TRPM3: variants seen among roughly 807,000 people sequenced by gnomAD.
The protein encoded by TRPM3 is long transient receptor potential channel 3.
In TRPM3, 77 loss-of-function variants were observed where a neutral mutation model predicts 181.2. The observed-to-expected ratio is 0.42, with a 90% CI of 0.35 to 0.51. The LOEUF (loss-of-function observed/expected upper bound fraction) is 0.51, where lower values mean the gene tolerates loss of function less well. Ranked by LOEUF, TRPM3 falls within the 20% of genes least tolerant of loss-of-function variation. The probability of loss-of-function intolerance (pLI) is 0.01; values close to 1 mark genes in which losing one functional copy is unlikely to be tolerated. For missense variants in TRPM3, 1,759 were observed against 2,196.7 expected (o/e 0.80, Z 3.98); for synonymous variants, 745 against 796.4 (o/e 0.94, Z 1.09).
At chr9:71,191,833 A>G (rs926255412) in intron 1 of TRPM3, among the ~76,000 whole-genome samples, 3 of 151,558 alleles carry the variant, frequency 2.0e-5, no homozygotes, top group African/African-American at 7.3e-5. Context: ...AGAAAACTGA[A>G]GTGTGACTTT....
intron 1 of TRPM3, among the ~76,000 whole-genome samples, chr9:71,010,958 CACAT>C (rs1468643338): frequency 1.1e-4 from 15 of 140,596 alleles, no homozygotes; most frequent in African/African-American, 2.8e-4. Flanking sequence ...CACACACACA[CACAT>C]AAATAGTATT....
At chr9:70,784,483 T>G (rs2083153665) in intron 6 of TRPM3, among the ~76,000 whole-genome samples, 1 of 152,116 alleles carries the variant, frequency 6.6e-6, no homozygotes, top group Non-Finnish European at 1.5e-5. Context: ...TCTATTTGAC[T>G]TTGCCCTCTC....
At chr9:71,348,552 A>ATTTATTTATT (rs1340275998) in intron 1 of TRPM3, among the ~76,000 whole-genome samples, 11 of 148,562 alleles carry the variant, frequency 7.4e-5, no homozygotes, top group African/African-American at 1.7e-4. Context: ...ATTTATTTAT[A>ATTTATTTATT]TATTTATTTA....
intron 1 of TRPM3, among the ~76,000 whole-genome samples, chr9:71,054,608 T>C (rs1282280091): frequency 6.6e-6 from 1 of 152,166 alleles, no homozygotes; most frequent in Non-Finnish European, 1.5e-5. Flanking sequence ...CAAACATTTA[T>C]TGAATATTGA....
At chr9:71,440,818 G>A (rs2094126724) in intron 1 of TRPM3, among the ~76,000 whole-genome samples, 1 of 152,050 alleles carries the variant, frequency 6.6e-6, no homozygotes, top group Non-Finnish European at 1.5e-5. Context: ...GTTTGGCTTT[G>A]CAAATGAAAG....
chr9:70,555,786 A>T (rs1455738197), intron 22 of TRPM3, among the ~76,000 whole-genome samples: 1 of 152,110 alleles, frequency 6.6e-6, no homozygotes, highest in Non-Finnish European at 1.5e-5. Flanking sequence ...CCAGCCTAAC[A>T]GTCTAGTAGG....
intron 1 of TRPM3, among the ~76,000 whole-genome samples, chr9:70,923,889 CATAT>C (rs770161268): frequency 3.4e-5 from 5 of 146,126 alleles, no homozygotes; most frequent in Admixed American, 1.4e-4. Context: ...TACACACACA[CATAT>C]ATACATACAC....
chr9:71,103,079 T>G (rs2068703811), intron 1 of TRPM3, among the ~76,000 whole-genome samples: 1 of 152,176 alleles, frequency 6.6e-6, no homozygotes, highest in African/African-American at 2.4e-5. Context: ...AAAACCACTA[T>G]CTCAAATCCT....
At chr9:70,783,700 G>A (rs2082976434) in intron 7 of TRPM3, among the ~76,000 whole-genome samples, 1 of 152,134 alleles carries the variant, frequency 6.6e-6, no homozygotes, top group Admixed American at 6.6e-5. Flanking sequence ...GCCAAGCCTG[G>A]AAGCTGAACA....
At chr9:71,200,084 A>G (rs1366020236) in intron 1 of TRPM3, among the ~76,000 whole-genome samples, 4 of 151,768 alleles carry the variant, frequency 2.6e-5, no homozygotes, top group East Asian at 1.9e-4. Flanking sequence ...CTTTGTTCTC[A>G]TTGGTTTCAA....
At chr9:70,589,071 T>C (rs1348371084) in intron 22 of TRPM3, among the ~76,000 whole-genome samples, 2 of 152,206 alleles carry the variant, frequency 1.3e-5, no homozygotes, top group African/African-American at 4.8e-5. Flanking sequence ...GGGTCAGTTA[T>C]ACATTGAGGT....
At chr9:70,615,683 A>G (rs2062680439) in intron 18 of TRPM3, among the ~76,000 whole-genome samples, 1 of 152,228 alleles carries the variant, frequency 6.6e-6, no homozygotes, top group Admixed American at 6.5e-5. Context: ...CTGCACCACT[A>G]GCTGGCTGCA....
At chr9:70,851,843 C>T (rs962077868) in intron 3 of TRPM3, among the ~76,000 whole-genome samples, 4 of 152,094 alleles carry the variant, frequency 2.6e-5, no homozygotes, top group East Asian at 1.9e-4. Context: ...TCCGGCCAGG[C>T]GCAGTGACTC....
At chr9:71,298,144 AT>A (rs2086454555) in intron 1 of TRPM3, among the ~76,000 whole-genome samples, 1 of 152,126 alleles carries the variant, frequency 6.6e-6, no homozygotes, top group Non-Finnish European at 1.5e-5. Flanking sequence ...AAACATTACT[AT>A]TTACTGCAGG....
At chr9:70,768,428 T>C (rs1237722262) in intron 7 of TRPM3, among the ~76,000 whole-genome samples, 1 of 152,144 alleles carries the variant, frequency 6.6e-6, no homozygotes, top group Non-Finnish European at 1.5e-5. Context: ...AAGGGACATC[T>C]TCAGTAATAT....
chr9:70,805,604 T>TGG (rs1396889643), intron 6 of TRPM3, among the ~76,000 whole-genome samples: 1 of 150,708 alleles, frequency 6.6e-6, no homozygotes, highest in Non-Finnish European at 1.5e-5. Context: ...GTCTTGGAAT[T>TGG]GGGTTTATTT....
chr9:71,317,906 T>C (rs936778723), intron 1 of TRPM3, among the ~76,000 whole-genome samples: 1 of 152,110 alleles, frequency 6.6e-6, no homozygotes, highest in Non-Finnish European at 1.5e-5. Flanking sequence ...AATATAACTT[T>C]TAAATACATC....
intron 1 of TRPM3, among the ~76,000 whole-genome samples, chr9:71,032,936 C>T (rs1438751643): frequency 1.3e-5 from 2 of 152,208 alleles, no homozygotes; most frequent in Non-Finnish European, 2.9e-5. Flanking sequence ...TTCATCATAG[C>T]TCCATTTACC....
chr9:71,379,599 G>T (rs2092747432), intron 1 of TRPM3, among the ~76,000 whole-genome samples: 2 of 151,964 alleles, frequency 1.3e-5, no homozygotes, highest in African/African-American at 4.8e-5. Context: ...TAATTGATCT[G>T]GTGTGGGCTC....
Sources: allele counts gnomAD v4.1 joint callset (sites outside exome capture counted in the v4.1 genomes callset), GRCh38; gene constraint gnomAD v4.1.1; transcripts MANE v1.5; gene names NCBI Gene and HGNC (gene_info 2026-07-23, HGNC 2026-07-21).